Variants in PPP2R1A observed in about 807,000 individuals in gnomAD.
PPP2R1A encodes the protein protein phosphatase 2 scaffold subunit Aalpha.
A neutral mutation model predicts 67.1 loss-of-function variants in PPP2R1A; 15 were observed. That is an observed-to-expected ratio of 0.22 (90% CI 0.15 to 0.34). PPP2R1A has a LOEUF of 0.34. PPP2R1A is among the 10% of genes least tolerant of loss of function. The pLI is 1.00. For missense variants in PPP2R1A, 369 were observed against 775.0 expected, an observed-to-expected ratio of 0.48 and a Z score of 6.22; for synonymous variants, 337 against 325.0, an observed-to-expected ratio of 1.04 and a Z score of -0.40.
rs1205621097 is a variant in PPP2R1A at position 52,212,558 on chromosome 19, CAGAG to C, written c.504-125_504-122del. The C allele has an allele frequency of 5.4e-5, 61 of 1,136,200 alleles. No homozygotes were observed. Among genetic ancestry groups the C allele is most frequent in the Non-Finnish European group, 7.5e-5 (61 of 809,740 alleles). 70.4% of individuals were successfully genotyped at this position (1,136,200 alleles called of 1,614,324 possible). On this transcript the variant is annotated intron_variant, in intron 4 of 14. Transcript: ENST00000322088. This position sits in a 1 kb window ranked among gnomAD's most constrained non-coding sequence, Gnocchi z 4.1. Reference sequence around the variant, plus strand: ...GCTCCGTTTCATAGGGCTGGGAAGACAGAGAGGGGGTCATCACTTGCCCAAGGTC... The same window carrying C: ...GCTCCGTTTCATAGGGCTGGGAAGACAGGGGGTCATCACTTGCCCAAGGTC...
chr19:52,220,909 G>T, intron 11 of PPP2R1A, 70 bp from the exon 12 acceptor site: 1 of 1,553,786 alleles, frequency 6.4e-7, no homozygotes, highest in South Asian at 1.2e-5. Flanking sequence ...TGGTGAGTGT[G>T]ACCTACATTT....
At chr19:52,200,708 C>G (rs2089538632) in intron 1 of PPP2R1A, among the ~76,000 whole-genome samples, 1 of 152,212 alleles carries the variant, frequency 6.6e-6, no homozygotes, top group Non-Finnish European at 1.5e-5. Flanking sequence ...CCATGCCTCT[C>G]TGGAAGTTAG....
Position 52,227,961 on chromosome 19 carries a change from TCAGG to T in PPP2R1A, c.*1984_*1987del, listed in dbSNP as rs1979361753. ...GCCTCTCGTCCCTGCCCCGACCTGC[TCAGG>T]CAGAGCCTTCATTTTAACAAGATGC... is the stretch of plus-strand genomic sequence containing the variant. On this transcript the variant is annotated 3_prime_UTR_variant, in exon 15 of 15. Coordinates refer to ENST00000322088, the MANE Select transcript of PPP2R1A (RefSeq NM_014225.6). 6.6e-6 allele frequency: 1 copy of T among 152,222 alleles called. No homozygotes were observed. Among genetic ancestry groups the T allele is most frequent in the Admixed American group, 6.5e-5 (1 of 15,286 alleles). 9.4% of individuals were successfully genotyped at this position (152,222 alleles called of 1,614,324 possible). A position where few individuals can be genotyped will look rare whatever the true frequency, so the allele number is the denominator to read the frequency against.
intron 1 of PPP2R1A, among the ~76,000 whole-genome samples, chr19:52,200,113 C>A (rs1400875583): frequency 6.6e-6 from 1 of 152,220 alleles, no homozygotes. Context: ...CAGAACAGAA[C>A]AGGCTAAGGG....
intron 1 of PPP2R1A, among the ~76,000 whole-genome samples, chr19:52,192,009 A>G (rs1347814917): frequency 1.3e-5 from 2 of 151,902 alleles, no homozygotes; most frequent in East Asian, 1.9e-4. Context: ...AGAGACAGAC[A>G]ATAAACAGAG....
rs1193092536 is a variant in PPP2R1A, at chr19:52,219,677, T to C, written c.1129-14T>C. ...GCATTGCATTCTCTCAGAATCCTTCTTTCCTCTCCTCAGTGCCCTGAGGTA... is the reference window on the plus strand; with the variant it reads ...GCATTGCATTCTCTCAGAATCCTTCCTTCCTCTCCTCAGTGCCCTGAGGTA... On this transcript the variant is annotated splice_polypyrimidine_tract_variant and intron_variant, in intron 9 of 14. Transcript: ENST00000322088. The surrounding 1 kb of genome is among the most constrained non-coding windows in gnomAD (Gnocchi z 4.0). 1.0e-5 allele frequency: 16 copies of C among 1,602,804 alleles called. No homozygotes were observed. Among genetic ancestry groups the C allele is most frequent in the African/African-American group, 1.3e-5 (1 of 74,764 alleles).
At position 52,211,516 on chromosome 19, in the gene PPP2R1A, C is replaced by T. The variant is rs2089670336; in HGVS notation, c.503+24C>T. ...CAGTGAGTCTCTGCCTCCTTGGAAG[C>T]TCCAAGCTCCCATCTCAGCTCCAAC... On this transcript the variant is annotated intron_variant, in intron 4 of 14. Coordinates refer to ENST00000322088, the MANE Select transcript of PPP2R1A (RefSeq NM_014225.6). The surrounding 1 kb of genome is among the most constrained non-coding windows in gnomAD (Gnocchi z 5.3). The T allele has an allele frequency of 6.3e-7, 1 of 1,585,560 alleles. No homozygotes were observed. The highest frequency in any genetic ancestry group is 8.6e-7 in the Non-Finnish European group (1 of 1,163,368).
intron 6 of PPP2R1A, 114 bp from the exon 7 acceptor site, chr19:52,215,665 C>T: frequency 1.2e-6 from 1 of 816,382 alleles, no homozygotes; most frequent in South Asian, 1.6e-5. Flanking sequence ...GCACTGCTTC[C>T]AAGGCCCACG....
Position 52,213,201 on chromosome 19 carries a change from C to T in PPP2R1A, c.807+91C>T, listed in dbSNP as rs186601220. ...ATAGGAGCTGAGGTTTCCATTAGGC[C>T]GATGGAACCATTGGGCGTTTGAGCA... On this transcript the variant is annotated intron_variant, in intron 6 of 14. Coordinates refer to ENST00000322088, the MANE Select transcript of PPP2R1A (RefSeq NM_014225.6). The surrounding 1 kb of genome is among the most constrained non-coding windows in gnomAD (Gnocchi z 4.2). 582 of 1,409,240 alleles carry T rather than the reference C, an allele frequency of 4.1e-4. 2 individuals carry two copies. In the African/African-American group the frequency reaches 7.2e-3, roughly 18 times the overall value. 87.3% of individuals were successfully genotyped at this position (1,409,240 alleles called of 1,614,324 possible). A position where few individuals can be genotyped will look rare whatever the true frequency, so the allele number is the denominator to read the frequency against.
Position 52,206,239 on chromosome 19 carries a change from CAG to C in PPP2R1A, c.270+177_270+178del, listed in dbSNP as rs1600163798. 3.9e-5 allele frequency among the ~76,000 whole-genome samples: 6 copies of C among 152,196 alleles called. No homozygotes were observed. In the East Asian group the frequency reaches 1.2e-3, roughly 29 times the overall value. ...GGAGTGGCTTTTAATATCGTGAACT[CAG>C]GGTGCAGTTATCATCCTTTCTGTTT... On this transcript the variant is annotated intron_variant, in intron 3 of 14. Transcript: ENST00000322088.
intron 1 of PPP2R1A, chr19:52,190,416 G>C (rs913370254): frequency 8.8e-6 from 5 of 569,366 alleles, no homozygotes; most frequent in Non-Finnish European, 1.3e-5. Context: ...CCCTGTGCGC[G>C]CGGCGGTCCG....
chr19:52,222,056 C>G, intron 12 of PPP2R1A, 43 bp from the exon 13 acceptor site: 1 of 1,548,032 alleles, frequency 6.5e-7, no homozygotes, highest in Non-Finnish European at 8.7e-7. Flanking sequence ...GAGAGTTAGC[C>G]AGGAGCTTTG....
rs1310198285 is a variant in PPP2R1A at position 52,226,331 on chromosome 19, TG to T, written c.*352del. ...CTCCACCTCCCGTCCTCCCCATCATTGGTTTTTTTTTGTGTGTCAACTGTGC... is the reference window on the plus strand; with the variant it reads ...CTCCACCTCCCGTCCTCCCCATCATTGTTTTTTTTTGTGTGTCAACTGTGC... On this transcript the variant is annotated 3_prime_UTR_variant, in exon 15 of 15. Transcript: ENST00000322088. 5 of 397,630 alleles carry T rather than the reference TG, an allele frequency of 1.3e-5. No homozygotes were observed. 24.6% of individuals were successfully genotyped at this position (397,630 alleles called of 1,614,324 possible).
At chr19:52,198,367 T>C (rs2089515402) in intron 1 of PPP2R1A, among the ~76,000 whole-genome samples, 1 of 152,176 alleles carries the variant, frequency 6.6e-6, no homozygotes. Context: ...AAGGGAGCTC[T>C]CTGGATGGGA....
At position 52,226,330 on chromosome 19, in the gene PPP2R1A, T is replaced by C. The variant is rs1177646177; in HGVS notation, c.*349T>C. The C allele has an allele frequency of 7.5e-6, 3 of 398,456 alleles. No homozygotes were observed. Among genetic ancestry groups the C allele is most frequent in the South Asian group, 1.3e-4 (2 of 15,482 alleles). The allele number at this position is 398,456 out of a possible 1,614,324, so 24.7% of individuals were successfully genotyped here. On this transcript the variant is annotated 3_prime_UTR_variant, in exon 15 of 15. Coordinates refer to ENST00000322088, the MANE Select transcript of PPP2R1A (RefSeq NM_014225.6). The stretch of plus-strand genomic sequence containing the variant: ...TCTCCACCTCCCGTCCTCCCCATCA[T>C]TGGTTTTTTTTTGTGTGTCAACTGT...
chr19:52,190,421 G>A, intron 1 of PPP2R1A: 1 of 566,868 alleles, frequency 1.8e-6, no homozygotes. Context: ...TGCGCGCGGC[G>A]GTCCGCGGTC....
At chr19:52,214,991 G>T (rs559739023) in intron 6 of PPP2R1A, among the ~76,000 whole-genome samples, 1 of 152,258 alleles carries the variant, frequency 6.6e-6, no homozygotes, top group South Asian at 2.1e-4. Flanking sequence ...CTCCCAAAGC[G>T]CTGGGATTAC....
rs2089696217 is a variant in PPP2R1A at position 52,213,474 on chromosome 19, T to TG, written c.807+364_807+365insG. 8.4e-6 allele frequency among the ~76,000 whole-genome samples: 1 copy of TG among 119,706 alleles called. No individual in the cohort carries two copies. Among genetic ancestry groups the TG allele is most frequent in the Non-Finnish European group, 1.7e-5 (1 of 58,298 alleles). The allele number at this position is 119,706 out of a possible 152,430, so 78.5% of individuals were successfully genotyped here. ...TTTTTGGTGTTTTTTTTTTTTTTTT[T>TG]TTTTTTTTTTTTTAAGATGGAGTCT... On this transcript the variant is annotated intron_variant, in intron 6 of 14. Transcript: ENST00000322088. The surrounding 1 kb of genome is among the most constrained non-coding windows in gnomAD (Gnocchi z 4.2).
chr19:52,195,666 G>C (rs566380237), intron 1 of PPP2R1A, among the ~76,000 whole-genome samples: 2 of 152,232 alleles, frequency 1.3e-5, no homozygotes, highest in African/African-American at 4.8e-5. Flanking sequence ...GCAGCTCTCA[G>C]AACTCAGGGA....
Sources: gnomAD v4.1 joint callset for allele counts (sites outside exome capture counted in the v4.1 genomes callset) on GRCh38, gnomAD v4.1.1 for gene constraint, Gnocchi (gnomAD v3.1) non-coding constraint, MANE v1.5 for transcripts, NCBI Gene and HGNC (gene_info 2026-07-23, HGNC 2026-07-21) for gene names.